Variants in LYPLA1 observed in about 807,000 individuals in gnomAD.
The protein encoded by LYPLA1 is lysophospholipase 1.
LYPLA1 carries 17 observed loss-of-function variants against 34.0 expected under a neutral mutation model. The ratio of observed to expected loss-of-function variants is 0.50; its 90% CI spans 0.34 to 0.75. The LOEUF is 0.75. LYPLA1 is among the 30% of genes least tolerant of loss of function. The pLI is 0.01. For synonymous variants in LYPLA1, 98 were observed against 100.8 expected, an observed-to-expected ratio of 0.97 and a Z score of 0.17; for missense variants, 203 against 288.8, an observed-to-expected ratio of 0.70 and a Z score of 2.15.
At chr8:54,100,685 T>C in intron 2 of LYPLA1, 2 of 530,534 alleles carry the variant, frequency 3.8e-6, no homozygotes, top group Non-Finnish European at 6.7e-6. Context: ...TTTGAAATTT[T>C]AATATGTTCC....
chr8:54,101,761 G>T lies in LYPLA1; in HGVS notation c.63C>A (p.Thr21=). ...CCACGCCTACGCCACTCACCGCAGC[G>T]GTGGCCTTCCGGGCGGCGGGCACGA... ...PAIVPAARKA[T]AAVIFLHGLG... Residue 21 remains threonine (T), a synonymous_variant, in exon 1 of 9, where the codon ACC becomes ACA. Coordinates refer to ENST00000316963, the MANE Select transcript of LYPLA1 (RefSeq NM_006330.4). The T allele has an allele frequency of 7.7e-7, 1 of 1,303,036 alleles. No homozygotes were observed. The highest frequency in any genetic ancestry group is 9.8e-7 in the Non-Finnish European group (1 of 1,017,540). The allele number at this position is 1,303,036 out of a possible 1,614,324, so 80.7% of individuals were successfully genotyped here.
At position 54,069,301 on chromosome 8, in the gene LYPLA1, A is replaced by T. The variant is rs57835713; in HGVS notation, c.102-3488T>A. Reference sequence around the variant, plus strand: ...AAATGTTTGAGGTGATGGATATGCTAATTACCCTGATTTGATTCTTACATG... The same window carrying T: ...AAATGTTTGAGGTGATGGATATGCTTATTACCCTGATTTGATTCTTACATG... On this transcript the variant is annotated intron_variant, in intron 2 of 8. Transcript: ENST00000316963. 5.8e-3 allele frequency among the ~76,000 whole-genome samples: 890 copies of T among 152,342 alleles called. 23 individuals carry two copies. In the East Asian group the frequency reaches 0.077, roughly 13 times the overall value.
Position 54,094,202 on chromosome 8 carries a change from A to G in LYPLA1, c.101+6706T>C, listed in dbSNP as rs950080344. On this transcript the variant is annotated intron_variant, in intron 2 of 8. Coordinates refer to ENST00000316963, the MANE Select transcript of LYPLA1 (RefSeq NM_006330.4). The stretch of plus-strand genomic sequence containing the variant: ...AATGTCACAGGGACTGGTAATACAG[A>G]TAAGTAATTCCTGGAATACATCGGG... Among the ~76,000 whole-genome samples the G allele has an allele frequency of 2.6e-4, 40 of 152,216 alleles. 1 individual carries two copies. Among genetic ancestry groups the G allele is most frequent in the African/African-American group, 1.2e-4 (5 of 41,444 alleles).
rs1275922728 is a variant in LYPLA1, at chr8:54,047,552, A to T, written c.*513T>A. 1.3e-5 allele frequency: 2 copies of T among 152,164 alleles called. No homozygotes were observed. The highest frequency in any genetic ancestry group is 2.9e-5 in the Non-Finnish European group (2 of 68,006). The allele number at this position is 152,164 out of a possible 1,614,324, so 9.4% of individuals were successfully genotyped here. ...AGCATTATCCCTATTATTAGGAATAATGTAATACCACCTCATTCTTATTAT... is the reference window on the plus strand; with the variant it reads ...AGCATTATCCCTATTATTAGGAATATTGTAATACCACCTCATTCTTATTAT... On this transcript the variant is annotated 3_prime_UTR_variant, in exon 9 of 9. Transcript: ENST00000316963.
At chr8:54,092,369 G>T (rs1035574887) in intron 2 of LYPLA1, among the ~76,000 whole-genome samples, 1 of 151,944 alleles carries the variant, frequency 6.6e-6, no homozygotes, top group Non-Finnish European at 1.5e-5. Flanking sequence ...GGAGAAGGAA[G>T]AGGAGGAAGA....
At chr8:54,073,342 G>A (rs572782336) in intron 2 of LYPLA1, 1 of 839,332 alleles carries the variant, frequency 1.2e-6, no homozygotes, top group Non-Finnish European at 2.1e-6. Context: ...TGTGTGCAAA[G>A]AGAACTGTGG....
At chr8:54,072,718 C>T (rs1448147713) in intron 2 of LYPLA1, among the ~76,000 whole-genome samples, 1 of 151,852 alleles carries the variant, frequency 6.6e-6, no homozygotes, top group Non-Finnish European at 1.5e-5. Flanking sequence ...GTGGCTCATG[C>T]CTGTAATCCC....
chr8:54,045,307 T>TA, downstream of LYPLA1, among the ~76,000 whole-genome samples: 1 of 152,314 alleles, frequency 6.6e-6, no homozygotes, highest in East Asian at 1.9e-4. Flanking sequence ...AATGCAGCAG[T>TA]AAGAGTGGCT....
At chr8:54,083,955 T>A (rs1808496057) in intron 2 of LYPLA1, among the ~76,000 whole-genome samples, 1 of 151,024 alleles carries the variant, frequency 6.6e-6, no homozygotes, top group South Asian at 2.1e-4. Flanking sequence ...CTGGCCAATG[T>A]GGTGAAACCC....
intron 2 of LYPLA1, chr8:54,072,974 C>T (rs1807602720): frequency 3.0e-6 from 1 of 331,376 alleles, no homozygotes; most frequent in Non-Finnish European, 5.8e-6. Flanking sequence ...GGCCAACAAG[C>T]ATATGAAAAC....
intron 8 of LYPLA1, among the ~76,000 whole-genome samples, chr8:54,049,634 AATTCT>A (rs1386715009): frequency 6.6e-6 from 1 of 152,114 alleles, no homozygotes; most frequent in Non-Finnish European, 1.5e-5. Context: ...CTCAGGACTT[AATTCT>A]ATTCTATGAT....
rs185310632 is a variant in LYPLA1, at chr8:54,052,970, G to A, written c.361-214C>T. 7.8e-4 allele frequency: 376 copies of A among 483,264 alleles called. 2 individuals carry two copies. Among genetic ancestry groups the A allele is most frequent in the African/African-American group, 4.9e-3 (259 of 52,874 alleles). 29.9% of individuals were successfully genotyped at this position (483,264 alleles called of 1,614,324 possible). On this transcript the variant is annotated intron_variant, in intron 6 of 8. Transcript: ENST00000316963. ...AGAACATACAGACTTCCTTTCCGAC[G>A]AGACATAGTTTGTACCATGGGAAAC...
intron 2 of LYPLA1, among the ~76,000 whole-genome samples, chr8:54,095,970 G>C (rs1809651408): frequency 6.6e-6 from 1 of 152,144 alleles, no homozygotes; most frequent in Non-Finnish European, 1.5e-5. Flanking sequence ...TGTGATCCTA[G>C]ACTGATAAAG....
intron 2 of LYPLA1, among the ~76,000 whole-genome samples, chr8:54,067,771 C>A (rs1330883705): frequency 6.6e-6 from 1 of 150,776 alleles, no homozygotes; most frequent in Non-Finnish European, 1.5e-5. Flanking sequence ...TCTCGGCTCA[C>A]TGCAAGCCCC....
At chr8:54,057,529 G>T (rs1806291975) in intron 5 of LYPLA1, among the ~76,000 whole-genome samples, 1 of 152,170 alleles carries the variant, frequency 6.6e-6, no homozygotes, top group South Asian at 2.1e-4. Context: ...AGTGGAACTG[G>T]AGATCATTAT....
chr8:54,073,523 C>CTTCTATGCCAGCTGGCATCTGCTTTTCTA, intron 2 of LYPLA1: 1 of 688,546 alleles, frequency 1.5e-6, no homozygotes, highest in Non-Finnish European at 2.7e-6. Flanking sequence ...TACACTGCCA[C>CTTCTATGCCAGCTGGCATCTGCTTTTCTA]TTCTATGCCA....
At chr8:54,073,983 G>A (rs971726349) in intron 2 of LYPLA1, among the ~76,000 whole-genome samples, 1 of 152,168 alleles carries the variant, frequency 6.6e-6, no homozygotes, top group African/African-American at 2.4e-5. Flanking sequence ...TCTTTAAAAG[G>A]AAAGAAAGCA....
chr8:54,073,904 A>C (rs1307903193), intron 2 of LYPLA1, among the ~76,000 whole-genome samples: 1 of 152,214 alleles, frequency 6.6e-6, no homozygotes, highest in Non-Finnish European at 1.5e-5. Context: ...TCAGATTATT[A>C]GAGACTAATC....
At chr8:54,075,608 T>C (rs928921554) in intron 2 of LYPLA1, among the ~76,000 whole-genome samples, 2 of 152,228 alleles carry the variant, frequency 1.3e-5, no homozygotes, top group African/African-American at 2.4e-5. Context: ...GTAGCTATGA[T>C]AGTGGTTATC....
Sources: allele counts gnomAD v4.1 joint callset (sites outside exome capture counted in the v4.1 genomes callset), GRCh38; gene constraint gnomAD v4.1.1; transcripts MANE v1.5; gene names NCBI Gene and HGNC (gene_info 2026-07-23, HGNC 2026-07-21).